Variants in PIAS2 observed in about 807,000 individuals in gnomAD.
PIAS2 encodes the protein E3 SUMO-protein ligase PIAS2.
A neutral mutation model predicts 69.7 loss-of-function variants in PIAS2; 19 were observed. That is an observed-to-expected ratio of 0.27 (90% CI 0.19 to 0.40). The LOEUF (loss-of-function observed/expected upper bound fraction) is 0.40, where lower values mean the gene tolerates loss of function less well. Ranked by LOEUF, PIAS2 falls within the 10% of genes least tolerant of loss-of-function variation. The probability of loss-of-function intolerance (pLI) is 1.00; values close to 1 mark genes in which losing one functional copy is unlikely to be tolerated. For missense variants in PIAS2, 624 were observed against 757.0 expected (o/e 0.82, Z 2.06); for synonymous variants, 261 against 263.2 (o/e 0.99, Z 0.08).
chr18:46,832,101 A>C (rs2043706104), intron 9 of PIAS2, among the ~76,000 whole-genome samples: 1 of 152,184 alleles, frequency 6.6e-6, no homozygotes, highest in Admixed American at 6.6e-5. Context: ...ATTCAATGAC[A>C]TGAAAACAAA....
intron 1 of PIAS2, among the ~76,000 whole-genome samples, chr18:46,901,890 C>G (rs1012992861): frequency 4.6e-5 from 7 of 152,190 alleles, no homozygotes; most frequent in Admixed American, 4.6e-4. Context: ...ACTATCACCC[C>G]TCATTCAACA....
intron 9 of PIAS2, among the ~76,000 whole-genome samples, chr18:46,832,892 C>CAAAAAAAAAAAAAA (rs34958166): frequency 9.4e-5 from 10 of 105,982 alleles, no homozygotes; most frequent in African/African-American, 2.9e-4. Flanking sequence ...CCTCTGTCTC[C>CAAAAAAAAAAAAAA]AAAAAAAAAA....
intron 11 of PIAS2, among the ~76,000 whole-genome samples, chr18:46,823,063 C>A (rs1295867644): frequency 1.6e-5 from 2 of 128,788 alleles, no homozygotes; most frequent in Admixed American, 1.6e-4. Flanking sequence ...ATAGGGAGAC[C>A]TTGTATCTAC....
chr18:46,895,022 G>C (rs1161998635), intron 1 of PIAS2, among the ~76,000 whole-genome samples: 2 of 149,900 alleles, frequency 1.3e-5, no homozygotes, highest in African/African-American at 2.5e-5. Context: ...GCAGTGAGTC[G>C]AGACCATACC....
intron 2 of PIAS2, among the ~76,000 whole-genome samples, chr18:46,877,694 C>T (rs537528091): frequency 1.3e-5 from 2 of 152,254 alleles, no homozygotes; most frequent in East Asian, 3.9e-4. Flanking sequence ...GGGGACACGA[C>T]ACAGAACCAG....
chr18:46,831,044 TAC>T (rs2043537223), intron 9 of PIAS2, among the ~76,000 whole-genome samples: 1 of 152,166 alleles, frequency 6.6e-6, no homozygotes, highest in Non-Finnish European at 1.5e-5. Flanking sequence ...TTCACCGTAT[TAC>T]CAGACTAGTC....
chr18:46,917,284 C>G, intron 1 of PIAS2, 38 bp downstream of exon 1: 1 of 1,457,548 alleles, frequency 6.9e-7, no homozygotes, highest in Non-Finnish European at 9.1e-7. Flanking sequence ...CCTCTCCCAT[C>G]CCCTCCCCCG....
Position 46,884,343 on chromosome 18 carries a change from C to T in PIAS2, c.499+6237G>A, listed in dbSNP as rs552477113. Among the ~76,000 whole-genome samples the T allele has an allele frequency of 3.6e-3, 547 of 151,860 alleles. 5 individuals are homozygous for T. Among genetic ancestry groups the T allele is most frequent in the African/African-American group, 0.013 (527 of 41,444 alleles). ...TTTATTTTTTTTTGAGACAGAGTCT[C>T]ACTCTGTCACCCAGGCCAGAGTGCA... On this transcript the variant is annotated intron_variant, in intron 2 of 13. Coordinates refer to ENST00000585916, the MANE Select transcript of PIAS2 (RefSeq NM_004671.5).
intron 2 of PIAS2, among the ~76,000 whole-genome samples, chr18:46,876,697 ATTT>A (rs57650764): frequency 0.049 from 6,966 of 142,938 alleles, 177 homozygotes; most frequent in Non-Finnish European, 0.067. Context: ...CCCTTTACTA[ATTT>A]TTTTTTTTTT....
At chr18:46,915,949 G>C (rs2057805198) in intron 1 of PIAS2, among the ~76,000 whole-genome samples, 1 of 152,144 alleles carries the variant, frequency 6.6e-6, no homozygotes, top group Non-Finnish European at 1.5e-5. Flanking sequence ...AGGGTTCGTT[G>C]TTTGAAAAGC....
chr18:46,814,699 C>T (rs1448454996), intron 13 of PIAS2, among the ~76,000 whole-genome samples: 1 of 152,190 alleles, frequency 6.6e-6, no homozygotes, highest in Non-Finnish European at 1.5e-5. Context: ...TTTCTCCCTT[C>T]ACTTTTCTCA....
At chr18:46,813,439 A>G (rs971238677) in intron 13 of PIAS2, among the ~76,000 whole-genome samples, 12 of 152,166 alleles carry the variant, frequency 7.9e-5, no homozygotes, top group African/African-American at 2.7e-4. Context: ...CAAAAGCATT[A>G]TATCAGTATA....
intron 2 of PIAS2, among the ~76,000 whole-genome samples, chr18:46,873,640 C>T (rs1303671459): frequency 2.6e-5 from 4 of 152,130 alleles, no homozygotes; most frequent in Admixed American, 2.6e-4. Context: ...TAGCCCATAC[C>T]TTTGGAAAAA....
At chr18:46,838,846 A>G (rs530065862) in intron 8 of PIAS2, among the ~76,000 whole-genome samples, 27 of 152,316 alleles carry the variant, frequency 1.8e-4, no homozygotes, top group South Asian at 1.5e-3. Flanking sequence ...AATGGTCCTC[A>G]CATCCCAGAG....
At chr18:46,855,497 A>T (rs1402802792) in intron 4 of PIAS2, 62 bp from the exon 5 acceptor site, 13 of 1,574,502 alleles carry the variant, frequency 8.3e-6, no homozygotes, top group Non-Finnish European at 1.1e-5. Flanking sequence ...TATATGTTTT[A>T]AAATTCAGAA....
chr18:46,892,900 G>A (rs2054274057), intron 1 of PIAS2, among the ~76,000 whole-genome samples: 2 of 3,628 alleles, frequency 5.5e-4, no homozygotes, highest in African/African-American at 5.8e-3. Context: ...TAAAGTGTCA[G>A]TGGGATTTTT....
intron 2 of PIAS2, among the ~76,000 whole-genome samples, chr18:46,871,427 G>C (rs933913537): frequency 1.3e-5 from 2 of 152,124 alleles, no homozygotes; most frequent in Non-Finnish European, 2.9e-5. Context: ...GACAAGACCA[G>C]GTAACCTCAG....
intron 9 of PIAS2, 46 bp downstream of exon 9, chr18:46,836,311 A>G: frequency 1.4e-6 from 2 of 1,460,072 alleles, no homozygotes; most frequent in South Asian, 1.2e-5. Flanking sequence ...CATTGCCAAC[A>G]GCTGTTGTAT....
At chr18:46,831,785 A>C (rs986071405) in intron 9 of PIAS2, among the ~76,000 whole-genome samples, 4 of 152,226 alleles carry the variant, frequency 2.6e-5, no homozygotes, top group African/African-American at 9.6e-5. Flanking sequence ...TCTTTATCTT[A>C]CACCATACAT....
Sources: allele counts gnomAD v4.1 joint callset (sites outside exome capture counted in the v4.1 genomes callset), GRCh38; gene constraint gnomAD v4.1.1; transcripts MANE v1.5; gene names NCBI Gene and HGNC (gene_info 2026-07-23, HGNC 2026-07-21).